Variants in PLCH1 observed in about 807,000 individuals in gnomAD.
The protein encoded by PLCH1 is phospholipase C eta 1.
PLCH1 carries 60 observed loss-of-function variants against 126.7 expected under a neutral mutation model. The observed-to-expected ratio is 0.47, with a 90% CI of 0.38 to 0.59. The LOEUF (loss-of-function observed/expected upper bound fraction) is 0.59. Ranked by LOEUF, PLCH1 falls within the 20% of genes least tolerant of loss-of-function variation. PLCH1 has a pLI of 0.00. For synonymous variants in PLCH1, 719 were observed against 734.9 expected, an observed-to-expected ratio of 0.98 and a Z score of 0.35; for missense variants, 1,723 against 2,040.0, an observed-to-expected ratio of 0.84 and a Z score of 2.99.
intron 1 of PLCH1, among the ~76,000 whole-genome samples, chr3:155,732,343 A>G (rs1748834013): frequency 6.6e-6 from 1 of 152,026 alleles, no homozygotes; most frequent in African/African-American, 2.4e-5. Flanking sequence ...AGGTTATTTG[A>G]AAATATTATA....
intron 9 of PLCH1, among the ~76,000 whole-genome samples, chr3:155,551,332 A>G (rs1726081892): frequency 6.6e-6 from 1 of 151,474 alleles, no homozygotes; most frequent in South Asian, 2.1e-4. Flanking sequence ...GTAATCCCAG[A>G]TACTCAGGAG....
chr3:155,600,857 ATATT>A (rs1733628352), intron 2 of PLCH1, among the ~76,000 whole-genome samples: 2 of 152,240 alleles, frequency 1.3e-5, no homozygotes. Flanking sequence ...AGTAGCATAA[ATATT>A]TAAAGAGCAG....
chr3:155,496,398 G>A (rs952514233), intron 15 of PLCH1, among the ~76,000 whole-genome samples: 8 of 152,188 alleles, frequency 5.3e-5, no homozygotes, highest in Middle Eastern at 3.4e-3. Flanking sequence ...AGGTTCTCAT[G>A]CTCTCACATG....
At chr3:155,631,448 C>G (rs1237284437) in intron 2 of PLCH1, among the ~76,000 whole-genome samples, 1 of 152,156 alleles carries the variant, frequency 6.6e-6, no homozygotes, top group Non-Finnish European at 1.5e-5. Context: ...GGAGCTTTGC[C>G]TGGACTCCGG....
intron 8 of PLCH1, among the ~76,000 whole-genome samples, chr3:155,554,578 G>A (rs1726565507): frequency 6.6e-6 from 1 of 151,978 alleles, no homozygotes; most frequent in Non-Finnish European, 1.5e-5. Flanking sequence ...AGGTTATGAA[G>A]GTCTTTTAGA....
intron 10 of PLCH1, among the ~76,000 whole-genome samples, chr3:155,530,679 ATCT>A (rs1466077374): frequency 6.6e-6 from 1 of 152,154 alleles, no homozygotes; most frequent in Non-Finnish European, 1.5e-5. Flanking sequence ...GATTGGAATC[ATCT>A]TCTTCTAAAC....
At chr3:155,579,698 A>C (rs1450122873) in intron 6 of PLCH1, among the ~76,000 whole-genome samples, 2 of 152,240 alleles carry the variant, frequency 1.3e-5, no homozygotes, top group East Asian at 3.8e-4. Context: ...AAGGCATTAA[A>C]ACTGGTTCCT....
chr3:155,575,753 C>T (rs940081718), intron 6 of PLCH1, among the ~76,000 whole-genome samples: 5 of 152,072 alleles, frequency 3.3e-5, no homozygotes, highest in African/African-American at 1.2e-4. Flanking sequence ...AACTCCCAGG[C>T]TCAAGCAGTC....
At chr3:155,688,411 ATAC>A (rs994650621) in intron 2 of PLCH1, among the ~76,000 whole-genome samples, 1 of 152,234 alleles carries the variant, frequency 6.6e-6, no homozygotes, top group African/African-American at 2.4e-5. Context: ...GAATGACAGA[ATAC>A]TGGCTTTTAG....
chr3:155,714,322 A>T (rs925452782), intron 1 of PLCH1, among the ~76,000 whole-genome samples: 3 of 152,224 alleles, frequency 2.0e-5, no homozygotes, highest in Non-Finnish European at 4.4e-5. Flanking sequence ...TCTCTGGCCC[A>T]GCCCCAAACT....
chr3:155,735,414 A>G (rs1018576196), intron 1 of PLCH1, among the ~76,000 whole-genome samples: 4 of 152,142 alleles, frequency 2.6e-5, no homozygotes, highest in Non-Finnish European at 5.9e-5. Flanking sequence ...CAGGTGGATC[A>G]CCTGAGGTCA....
chr3:155,518,649 T>C (rs1474428906), intron 11 of PLCH1, among the ~76,000 whole-genome samples: 1 of 151,802 alleles, frequency 6.6e-6, no homozygotes. Context: ...CAGAAGCAAA[T>C]CCAAGAAAAG....
intron 10 of PLCH1, among the ~76,000 whole-genome samples, chr3:155,544,781 A>G (rs1167754793): frequency 6.6e-6 from 1 of 151,482 alleles, no homozygotes; most frequent in South Asian, 2.1e-4. Context: ...CTGCTCCTGA[A>G]TGACTACTGG....
At chr3:155,467,890 A>C (rs1184900505) in intron 21 of PLCH1, among the ~76,000 whole-genome samples, 1 of 152,238 alleles carries the variant, frequency 6.6e-6, no homozygotes, top group African/African-American at 2.4e-5. Context: ...CATTAATGAG[A>C]AATAAATAAT....
At chr3:155,581,138 T>G (rs1008589257) in intron 6 of PLCH1, among the ~76,000 whole-genome samples, 6 of 152,206 alleles carry the variant, frequency 3.9e-5, no homozygotes, top group African/African-American at 1.4e-4. Flanking sequence ...TAAGAGCTAG[T>G]GGAAATTTAT....
intron 2 of PLCH1, among the ~76,000 whole-genome samples, chr3:155,690,082 G>A (rs1377190919): frequency 1.3e-5 from 2 of 151,320 alleles, no homozygotes; most frequent in African/African-American, 2.4e-5. Flanking sequence ...ACAATGCAGC[G>A]CCAATACGTC....
intron 22 of PLCH1, among the ~76,000 whole-genome samples, chr3:155,484,636 A>G (rs896413003): frequency 4.6e-5 from 7 of 152,210 alleles, no homozygotes; most frequent in African/African-American, 1.7e-4. Flanking sequence ...ACCCCCAGAT[A>G]GGATGGGTTG....
chr3:155,639,615 TTTC>T (rs1334218461), intron 2 of PLCH1, among the ~76,000 whole-genome samples: 1 of 152,150 alleles, frequency 6.6e-6, no homozygotes. Context: ...TTGACTGTGT[TTTC>T]TTCTGGCAGT....
intron 2 of PLCH1, among the ~76,000 whole-genome samples, chr3:155,621,046 C>A (rs1479973869): frequency 1.3e-5 from 2 of 152,140 alleles, no homozygotes; most frequent in Non-Finnish European, 2.9e-5. Context: ...CCCTCTGGGA[C>A]AAAGCTTCCA....
Sources: gnomAD v4.1 joint callset for allele counts (sites outside exome capture counted in the v4.1 genomes callset) on GRCh38, gnomAD v4.1.1 for gene constraint, MANE v1.5 for transcripts, NCBI Gene and HGNC (gene_info 2026-07-23, HGNC 2026-07-21) for gene names.